The following NREP variants were observed in gnomAD, a reference collection of about 807,000 sequenced individuals.
NREP encodes the protein neuronal regeneration related protein.
Under a neutral mutation model 8.6 loss-of-function variants are expected in NREP, and 5 were observed. The observed-to-expected ratio is 0.58, with a 90% CI of 0.30 to 1.22. The LOEUF (loss-of-function observed/expected upper bound fraction) is 1.22. Ranked by LOEUF, NREP falls within the 50% of genes most tolerant of loss-of-function variation. The probability of loss-of-function intolerance (pLI) is 0.07; values close to 1 mark genes in which losing one functional copy is unlikely to be tolerated. For missense variants in NREP, 86 were observed against 82.5 expected (o/e 1.04, Z -0.17); for synonymous variants, 27 against 28.0 (o/e 0.96, Z 0.11).
At chr5:111,892,581 T>C (rs489135) in intron 2 of NREP, among the ~76,000 whole-genome samples, 150,052 of 152,266 alleles carry the variant, frequency 0.99, 73,983 homozygotes, top group East Asian at 1. Flanking sequence ...TTATGATACA[T>C]TGAAAAAGTT....
chr5:111,760,310 G>A (rs1313442206), upstream of NREP, among the ~76,000 whole-genome samples: 6 of 152,190 alleles, frequency 3.9e-5, no homozygotes, highest in Non-Finnish European at 8.8e-5. Flanking sequence ...AGAACCACTA[G>A]CTCTAACAAT....
chr5:111,753,288 A>C (rs1750482038), intron 2 of NREP, among the ~76,000 whole-genome samples: 1 of 149,714 alleles, frequency 6.7e-6, no homozygotes, highest in African/African-American at 2.4e-5. Context: ...CCATACACAG[A>C]ACACATGTAA....
chr5:111,746,604 A>G (rs1750022283), intron 2 of NREP, among the ~76,000 whole-genome samples: 2 of 152,220 alleles, frequency 1.3e-5, no homozygotes, highest in Non-Finnish European at 2.9e-5. Context: ...AGACATATTT[A>G]CTAAGTACAT....
chr5:111,880,501 G>A (rs80245745), intron 2 of NREP, among the ~76,000 whole-genome samples: 35 of 152,112 alleles, frequency 2.3e-4, no homozygotes, highest in South Asian at 4.2e-4. Context: ...TTGCATGGTC[G>A]TCCTTCTGTC....
chr5:111,927,489 T>C (rs1043925435), intron 2 of NREP, among the ~76,000 whole-genome samples: 1 of 152,114 alleles, frequency 6.6e-6, no homozygotes, highest in African/African-American at 2.4e-5. Context: ...AGGAAAATCT[T>C]GGGAGCCCAA....
chr5:111,781,115 T>G (rs1002000072), intron 2 of NREP, among the ~76,000 whole-genome samples: 1 of 152,160 alleles, frequency 6.6e-6, no homozygotes, highest in Non-Finnish European at 1.5e-5. Flanking sequence ...CTAGTACTCA[T>G]TGGTTACTTT....
At chr5:111,828,489 CACAA>C (rs1021536789) in intron 2 of NREP, among the ~76,000 whole-genome samples, 33 of 151,922 alleles carry the variant, frequency 2.2e-4, no homozygotes, top group African/African-American at 6.5e-4. Flanking sequence ...TTGGAAAAAC[CACAA>C]ACAAATATTA....
intron 2 of NREP, among the ~76,000 whole-genome samples, chr5:111,940,766 C>T (rs1206878736): frequency 6.6e-6 from 1 of 152,028 alleles, no homozygotes; most frequent in Non-Finnish European, 1.5e-5. Context: ...TTCTGGTACT[C>T]ACTGCAAGTT....
intron 2 of NREP, among the ~76,000 whole-genome samples, chr5:111,747,518 G>A (rs1018125099): frequency 6.6e-6 from 1 of 152,134 alleles, no homozygotes; most frequent in African/African-American, 2.4e-5. Flanking sequence ...TGGGATGGGG[G>A]AGAGAAGAGC....
chr5:111,813,539 A>ATT lies in NREP; in HGVS notation c.136-78034_136-78033dup, dbSNP rs553165760. Among the ~76,000 whole-genome samples the ATT allele has an allele frequency of 3.8e-3, 570 of 151,918 alleles. 6 individuals are homozygous for ATT. Among genetic ancestry groups the ATT allele is most frequent in the African/African-American group, 0.013 (541 of 41,462 alleles). On this transcript the variant is annotated intron_variant, in intron 2 of 3. Transcript: ENST00000395634. ...TTTGATTTTCCAGATCCTCCTATAT[A>ATT]TTTTTTCTTCTTTTAATCAGTAATT...
intron 2 of NREP, among the ~76,000 whole-genome samples, chr5:111,783,092 T>A (rs984129560): frequency 1.3e-5 from 2 of 152,064 alleles, no homozygotes; most frequent in Non-Finnish European, 2.9e-5. Flanking sequence ...GGTAAGAATG[T>A]TTCATTGTTC....
intron 2 of NREP, among the ~76,000 whole-genome samples, chr5:111,930,468 T>G (rs1033121546): frequency 2.6e-5 from 4 of 152,164 alleles, no homozygotes; most frequent in African/African-American, 9.6e-5. Flanking sequence ...TTTCAGAAAT[T>G]TTTTACACCT....
intron 2 of NREP, among the ~76,000 whole-genome samples, chr5:111,819,795 C>A (rs532752075): frequency 6.6e-6 from 1 of 152,310 alleles, no homozygotes; most frequent in African/African-American, 2.4e-5. Flanking sequence ...TTATTTAACT[C>A]ATATTTCTCC....
At chr5:111,905,281 A>G (rs1754754426) in intron 2 of NREP, among the ~76,000 whole-genome samples, 1 of 152,130 alleles carries the variant, frequency 6.6e-6, no homozygotes, top group Non-Finnish European at 1.5e-5. Flanking sequence ...TTAACATTGT[A>G]AGAAACTACC....
intron 2 of NREP, among the ~76,000 whole-genome samples, chr5:111,914,621 T>C (rs1259556339): frequency 6.6e-6 from 1 of 152,078 alleles, no homozygotes; most frequent in Non-Finnish European, 1.5e-5. Context: ...TCTCCTTTTT[T>C]CGTTGTACTC....
chr5:111,942,529 G>C (rs775213064), intron 2 of NREP, among the ~76,000 whole-genome samples: 1 of 151,966 alleles, frequency 6.6e-6, no homozygotes, highest in Admixed American at 6.6e-5. Flanking sequence ...TCAAATAGCA[G>C]CAAGTGTGAC....
chr5:111,956,038 G>A (rs189004050), intron 2 of NREP, among the ~76,000 whole-genome samples: 285 of 152,032 alleles, frequency 1.9e-3, no homozygotes, highest in African/African-American at 6.6e-3. Flanking sequence ...TGGAGGGCTT[G>A]TTACCCTCTC....
chr5:111,864,583 A>G (rs1753624261), intron 2 of NREP, among the ~76,000 whole-genome samples: 1 of 152,140 alleles, frequency 6.6e-6, no homozygotes, highest in Admixed American at 6.6e-5. Flanking sequence ...GTAATCTGAA[A>G]ATAATGTATT....
At chr5:111,868,749 G>T (rs1176748015) in intron 2 of NREP, among the ~76,000 whole-genome samples, 3 of 152,040 alleles carry the variant, frequency 2.0e-5, no homozygotes, top group African/African-American at 7.2e-5. Context: ...CTGCAGATAG[G>T]TTGCAGAGAT....
Sources: allele counts gnomAD v4.1 joint callset (sites outside exome capture counted in the v4.1 genomes callset), GRCh38; gene constraint gnomAD v4.1.1; transcripts MANE v1.5; gene names NCBI Gene and HGNC (gene_info 2026-07-23, HGNC 2026-07-21).